Variants in TCP11L2 observed in about 807,000 individuals in gnomAD.
The protein encoded by TCP11L2 is T-complex protein 11-like protein 2.
TCP11L2 carries 39 observed loss-of-function variants against 50.7 expected under a neutral mutation model. The ratio of observed to expected loss-of-function variants is 0.77; its 90% CI spans 0.60 to 1.01. The LOEUF (loss-of-function observed/expected upper bound fraction) is 1.01, where lower values mean the gene tolerates loss of function less well. TCP11L2 is among the 50% of genes least tolerant of loss of function. The pLI is 0.00. For synonymous variants in TCP11L2, 192 were observed against 219.3 expected (o/e 0.88, Z 1.10); for missense variants, 612 against 614.7 (o/e 1.00, Z 0.05).
At chr12:106,310,708 G>A (rs949406161) in intron 1 of TCP11L2, among the ~76,000 whole-genome samples, 3 of 152,160 alleles carry the variant, frequency 2.0e-5, no homozygotes, top group Non-Finnish European at 2.9e-5. Context: ...CCACACTCCC[G>A]CCTTCTCATG....
chr12:106,322,793 GGTGTTAA>G (rs1050892645), intron 5 of TCP11L2, among the ~76,000 whole-genome samples: 3 of 152,168 alleles, frequency 2.0e-5, no homozygotes, highest in African/African-American at 7.2e-5. Flanking sequence ...CTGTCAAATG[GGTGTTAA>G]GTATCCTTAG....
intron 4 of TCP11L2, among the ~76,000 whole-genome samples, chr12:106,319,584 G>A (rs2035262812): frequency 6.6e-6 from 1 of 152,196 alleles, no homozygotes; most frequent in African/African-American, 2.4e-5. Context: ...TCTTTCCTGA[G>A]TACTTACAGG....
intron 8 of TCP11L2, among the ~76,000 whole-genome samples, chr12:106,339,478 A>C (rs1274475203): frequency 6.6e-6 from 1 of 152,132 alleles, no homozygotes; most frequent in Non-Finnish European, 1.5e-5. Context: ...CTTTAGTTTA[A>C]TTAGGTCCCA....
intron 5 of TCP11L2, among the ~76,000 whole-genome samples, 172 bp downstream of exon 5, chr12:106,321,878 T>G (rs1326128882): frequency 6.6e-6 from 1 of 152,178 alleles, no homozygotes; most frequent in Non-Finnish European, 1.5e-5. Context: ...GCAGAGAGTT[T>G]TCACATAGAA....
chr12:106,329,800 A>T, intron 6 of TCP11L2: 4 of 989,254 alleles, frequency 4.0e-6, no homozygotes, highest in Non-Finnish European at 4.8e-6. Flanking sequence ...GCGCTCTCTC[A>T]GTTGGATGTC....
intron 9 of TCP11L2, among the ~76,000 whole-genome samples, chr12:106,344,050 G>A (rs757091333): frequency 1.1e-4 from 16 of 151,700 alleles, no homozygotes; most frequent in Admixed American, 2.6e-4. Flanking sequence ...CAGGCACGGT[G>A]GCTCATGCCT....
At chr12:106,321,348 A>T in intron 4 of TCP11L2, 138 bp from the exon 5 acceptor site, 1 of 688,636 alleles carries the variant, frequency 1.5e-6, no homozygotes, top group Non-Finnish European at 2.5e-6. Flanking sequence ...TGATCCACCC[A>T]TGCAGTCAGT....
upstream of TCP11L2, among the ~76,000 whole-genome samples, chr12:106,299,789 A>C (rs1192431884): frequency 2.0e-5 from 3 of 152,244 alleles, no homozygotes; most frequent in African/African-American, 7.2e-5. Context: ...AATTTGCATT[A>C]CATTAAATCA....
At chr12:106,321,100 G>T (rs923391786) in intron 4 of TCP11L2, among the ~76,000 whole-genome samples, 1 of 152,038 alleles carries the variant, frequency 6.6e-6, no homozygotes, top group African/African-American at 2.4e-5. Context: ...AAACTTAACC[G>T]TTGTTTATAT....
rs940821357 is a variant in TCP11L2 at position 106,314,541 on chromosome 12, G to C, written c.293+48G>C. The C allele has an allele frequency of 5.2e-6, 3 of 574,914 alleles. No individual in the cohort carries two copies. The East Asian group carries it at 9.9e-5, about 19-fold the overall frequency. The allele number at this position is 574,914 out of a possible 1,614,324, so 35.6% of individuals were successfully genotyped here. A position where few individuals can be genotyped will look rare whatever the true frequency, so the allele number is the denominator to read the frequency against. Reference sequence around the variant, plus strand: ...ATATAAACTGCTGAAGATTCTGTGTGTGTGTGTGTGTGTGTGTGTGTGTGT... The same window carrying C: ...ATATAAACTGCTGAAGATTCTGTGTCTGTGTGTGTGTGTGTGTGTGTGTGT... On this transcript the variant is annotated intron_variant, in intron 3 of 9. Transcript: ENST00000299045.
Position 106,318,459 on chromosome 12 carries a change from A to G in TCP11L2, c.409A>G (p.Arg137Gly). 6.2e-7 allele frequency: 1 copy of G among 1,613,706 alleles called. No individual in the cohort carries two copies. Among genetic ancestry groups the G allele is most frequent in the Non-Finnish European group, 8.5e-7 (1 of 1,179,682 alleles). Reference sequence around the variant, plus strand: ...TGCCATCAAACTGTTTGAAGAAATCAGAGAGGCAAGTTGCTTTGTTGTCTG... The same window carrying G: ...TGCCATCAAACTGTTTGAAGAAATCGGAGAGGCAAGTTGCTTTGTTGTCTG... ...EHAIKLFEEI[R>G]EILLSFLTPG... Residue 137 changes from arginine (R) to glycine (G), a missense_variant, in exon 4 of 10, where the codon AGA becomes GGA. Physicochemically the swap from Arg to Gly is moderately radical, Grantham distance 125 (BLOSUM62 -2). Coordinates refer to ENST00000299045, the MANE Select transcript of TCP11L2 (RefSeq NM_152772.3).
chr12:106,305,848 G>GAGGCAC (rs2034608981), intron 1 of TCP11L2, among the ~76,000 whole-genome samples: 2 of 152,158 alleles, frequency 1.3e-5, no homozygotes, highest in African/African-American at 2.4e-5. Flanking sequence ...TAGGAAGTTT[G>GAGGCAC]GCATGTCTGA....
At position 106,346,776 on chromosome 12, in the gene TCP11L2, A is replaced by G. The variant is rs2036247179; in HGVS notation, c.*246A>G. ...AGTTTAAAACAAATATTTGTAATGA[A>G]CAGAAAACAATTTGTAATTAATTAT... On this transcript the variant is annotated 3_prime_UTR_variant, in exon 10 of 10. Coordinates refer to ENST00000299045, the MANE Select transcript of TCP11L2 (RefSeq NM_152772.3). 2.5e-6 allele frequency: 1 copy of G among 403,374 alleles called. No individual in the cohort carries two copies. The highest frequency in any genetic ancestry group is 4.0e-5 in the Admixed American group (1 of 25,308). 25.0% of individuals were successfully genotyped at this position (403,374 alleles called of 1,614,324 possible). A position where few individuals can be genotyped will look rare whatever the true frequency, so the allele number is the denominator to read the frequency against.
chr12:106,335,962 ATTGCCTGTTTTGT>A, intron 7 of TCP11L2, 57 bp from the exon 8 acceptor site: 1 of 1,501,526 alleles, frequency 6.7e-7, no homozygotes, highest in Non-Finnish European at 8.9e-7. Flanking sequence ...TGGAAATGAC[ATTGCCTGTTTTGT>A]ATTTTCATGC....
upstream of TCP11L2, among the ~76,000 whole-genome samples, chr12:106,299,338 T>C (rs750625508): frequency 6.6e-6 from 1 of 152,202 alleles, no homozygotes; most frequent in Non-Finnish European, 1.5e-5. Context: ...CATAAGTTTC[T>C]TCAAGTGAGC....
intron 3 of TCP11L2, among the ~76,000 whole-genome samples, chr12:106,315,578 T>G (rs2035045241): frequency 6.6e-6 from 1 of 152,196 alleles, no homozygotes; most frequent in Non-Finnish European, 1.5e-5. Context: ...GCACATTGAT[T>G]TATGGAAAAC....
intron 9 of TCP11L2, among the ~76,000 whole-genome samples, chr12:106,343,127 T>C (rs910816428): frequency 1.3e-5 from 2 of 152,230 alleles, no homozygotes; most frequent in Admixed American, 1.3e-4. Context: ...AGGGACTCCG[T>C]GTGGCTGCTC....
intron 3 of TCP11L2, among the ~76,000 whole-genome samples, chr12:106,315,983 A>C (rs1450312687): frequency 2.6e-5 from 4 of 152,240 alleles, no homozygotes; most frequent in Admixed American, 1.3e-4. Flanking sequence ...AAGTAAAGGA[A>C]GTCAATGTAA....
At chr12:106,321,770 G>T (rs1565848515) in intron 5 of TCP11L2, 64 bp downstream of exon 5, 2 of 1,430,342 alleles carry the variant, frequency 1.4e-6, no homozygotes. Flanking sequence ...GGGAAGTTGG[G>T]CATCAGGGAA....
Sources: allele counts gnomAD v4.1 joint callset (sites outside exome capture counted in the v4.1 genomes callset), GRCh38; gene constraint gnomAD v4.1.1; transcripts MANE v1.5; gene names NCBI Gene and HGNC (gene_info 2026-07-23, HGNC 2026-07-21).